The following DGKI variants were observed in gnomAD, a reference collection of about 807,000 sequenced individuals.
The protein encoded by DGKI is diacylglycerol kinase iota, also known as DAG kinase iota.
Under a neutral mutation model 147.5 loss-of-function variants are expected in DGKI, and 55 were observed. The ratio of observed to expected loss-of-function variants is 0.37; its 90% confidence interval spans 0.30 to 0.47. The LOEUF (loss-of-function observed/expected upper bound fraction) is 0.47, where lower values mean the gene tolerates loss of function less well. Among genes scored for constraint, DGKI ranks in the 20% least tolerant of loss-of-function variants. The probability of loss-of-function intolerance (pLI) is 1.00; values close to 1 mark genes in which losing one functional copy is unlikely to be tolerated. For missense variants in DGKI, 1,007 were observed against 1,323.8 expected (o/e 0.76, Z 3.71); for synonymous variants, 469 against 477.1 (o/e 0.98, Z 0.22).
intron 21 of DGKI, among the ~76,000 whole-genome samples, chr7:137,512,928 G>A (rs946682062): frequency 6.6e-6 from 1 of 152,040 alleles, no homozygotes; most frequent in Non-Finnish European, 1.5e-5. Context: ...CATAGAGTAG[G>A]CTCATCTATA....
At chr7:137,748,696 A>G (rs756001237) in intron 1 of DGKI, among the ~76,000 whole-genome samples, 1 of 152,184 alleles carries the variant, frequency 6.6e-6, no homozygotes, top group Non-Finnish European at 1.5e-5. Context: ...AAAGATATAT[A>G]CCCTTCATAT....
At position 137,739,512 on chromosome 7, in the gene DGKI, C is replaced by T. The variant is rs747150651; in HGVS notation, c.402-49510G>A. Among the ~76,000 whole-genome samples, 85 of 152,158 alleles carry T rather than the reference C, an allele frequency of 5.6e-4. 6 individuals are homozygous for T. The highest frequency in any genetic ancestry group is 2.1e-4 in the South Asian group (1 of 4,820). Reference sequence around the variant, plus strand: ...TAACGACTAGACCTCGAGATCCTAGCGGCTTCCTATGGGACCTCATGCAGG... The same window carrying T: ...TAACGACTAGACCTCGAGATCCTAGTGGCTTCCTATGGGACCTCATGCAGG... On this transcript the variant is annotated intron_variant, in intron 1 of 32. Coordinates refer to ENST00000614521, the MANE Select transcript of DGKI (RefSeq NM_001321708.2).
rs186647747 is a variant in DGKI at position 137,496,056 on chromosome 7, A to T, written c.2249-8367T>A. Among the ~76,000 whole-genome samples, 1,157 of 152,216 alleles carry T rather than the reference A, an allele frequency of 7.6e-3. 11 individuals carry two copies. The highest frequency in any genetic ancestry group is 0.027 in the African/African-American group (1,102 of 41,546). On this transcript the variant is annotated intron_variant, in intron 21 of 32. Coordinates refer to ENST00000614521, the MANE Select transcript of DGKI (RefSeq NM_001321708.2). ...GACAATAAGATTCTATACATAAAGA[A>T]CCCTAGAGTCTCTGCCCAAAATCTC...
chr7:137,836,239 A>G (rs1382461549), intron 1 of DGKI, among the ~76,000 whole-genome samples: 1 of 152,164 alleles, frequency 6.6e-6, no homozygotes, highest in Non-Finnish European at 1.5e-5. Context: ...TTTGAAGTAG[A>G]GGTTTATTTT....
intron 1 of DGKI, among the ~76,000 whole-genome samples, chr7:137,715,644 A>G (rs1460546654): frequency 6.6e-6 from 1 of 152,240 alleles, no homozygotes; most frequent in African/African-American, 2.4e-5. Context: ...ATAAGCAAGT[A>G]TGAGCACACA....
intron 5 of DGKI, among the ~76,000 whole-genome samples, chr7:137,650,517 C>T (rs922322984): frequency 1.3e-5 from 2 of 152,110 alleles, no homozygotes; most frequent in African/African-American, 4.8e-5. Flanking sequence ...TAAACCCCAA[C>T]GCAATGGTAA....
chr7:137,459,288 C>A (rs934968128), intron 27 of DGKI, among the ~76,000 whole-genome samples: 1 of 151,768 alleles, frequency 6.6e-6, no homozygotes, highest in Non-Finnish European at 1.5e-5. Flanking sequence ...CCAACAGAGC[C>A]GGGTCAGTTG....
intron 32 of DGKI, among the ~76,000 whole-genome samples, chr7:137,393,289 G>A (rs1250656717): frequency 1.3e-5 from 2 of 151,976 alleles, no homozygotes; most frequent in Non-Finnish European, 2.9e-5. Flanking sequence ...CATGAACATT[G>A]AGTCTTTTAT....
At chr7:137,792,579 G>C (rs1308737576) in intron 1 of DGKI, among the ~76,000 whole-genome samples, 5 of 152,186 alleles carry the variant, frequency 3.3e-5, no homozygotes, top group Admixed American at 6.5e-5. Context: ...TAGGCAACTA[G>C]TATGGTTTGG....
chr7:137,431,743 A>G (rs1813080176), intron 28 of DGKI, among the ~76,000 whole-genome samples: 1 of 152,208 alleles, frequency 6.6e-6, no homozygotes, highest in Non-Finnish European at 1.5e-5. Flanking sequence ...TCCAGAGCAG[A>G]AGAGGCCTTA....
At chr7:137,656,435 A>C in intron 4 of DGKI, 31 bp downstream of exon 4, 1 of 1,612,250 alleles carries the variant, frequency 6.2e-7, no homozygotes, top group Non-Finnish European at 8.5e-7. Flanking sequence ...CTTGCAATGT[A>C]ACAAAACTGC....
At chr7:137,405,145 G>A (rs1407295429) in intron 30 of DGKI, among the ~76,000 whole-genome samples, 3 of 152,070 alleles carry the variant, frequency 2.0e-5, no homozygotes, top group African/African-American at 7.2e-5. Flanking sequence ...TCATGTCCCT[G>A]GGGCAACTCA....
At chr7:137,543,836 A>G (rs1433737570) in intron 20 of DGKI, among the ~76,000 whole-genome samples, 1 of 152,206 alleles carries the variant, frequency 6.6e-6, no homozygotes, top group Non-Finnish European at 1.5e-5. Flanking sequence ...GGCTATCCGC[A>G]CTGCCATAAC....
At chr7:137,758,775 AC>A (rs1795764513) in intron 1 of DGKI, among the ~76,000 whole-genome samples, 1 of 152,024 alleles carries the variant, frequency 6.6e-6, no homozygotes, top group African/African-American at 2.4e-5. Context: ...TCCTTCCCCA[AC>A]AGTGCTGGTG....
intron 10 of DGKI, among the ~76,000 whole-genome samples, chr7:137,600,362 G>C (rs1819947442): frequency 6.6e-6 from 1 of 152,184 alleles, no homozygotes; most frequent in Admixed American, 6.5e-5. Flanking sequence ...GATAGCCATA[G>C]GTTGAATGTC....
rs760576244 is a variant in DGKI at position 137,656,457 on chromosome 7, C to A, written c.681+9G>T. 2 of 1,613,828 alleles carry A rather than the reference C, an allele frequency of 1.2e-6. No individual in the cohort carries two copies. Among genetic ancestry groups the A allele is most frequent in the Non-Finnish European group, 8.5e-7 (1 of 1,179,818 alleles). Reference sequence around the variant, plus strand: ...TGTAACAAAACTGCAGCAGGGGGCGCGCTCTTACCTTTTCTAGCTGCTCAA... The same window carrying A: ...TGTAACAAAACTGCAGCAGGGGGCGAGCTCTTACCTTTTCTAGCTGCTCAA... On this transcript the variant is annotated intron_variant, in intron 4 of 32. Coordinates refer to ENST00000614521, the MANE Select transcript of DGKI (RefSeq NM_001321708.2).
intron 6 of DGKI, among the ~76,000 whole-genome samples, chr7:137,635,832 G>T (rs997372548): frequency 6.6e-6 from 1 of 152,200 alleles, no homozygotes; most frequent in African/African-American, 2.4e-5. Context: ...AGTAACAGTG[G>T]CTATGCCTAC....
intron 27 of DGKI, among the ~76,000 whole-genome samples, chr7:137,455,553 TCA>T (rs1305132400): frequency 3.5e-5 from 5 of 144,254 alleles, no homozygotes; most frequent in Non-Finnish European, 7.4e-5. Flanking sequence ...GACCAGCATC[TCA>T]CAGAGTATTG....
chr7:137,442,917 C>G (rs1813566300), intron 28 of DGKI, among the ~76,000 whole-genome samples: 1 of 152,238 alleles, frequency 6.6e-6, no homozygotes, highest in South Asian at 2.1e-4. Context: ...ATATTAGGCA[C>G]AACGATAAGC....
Sources: gnomAD v4.1 joint callset for allele counts (sites outside exome capture counted in the v4.1 genomes callset) on GRCh38, gnomAD v4.1.1 for gene constraint, MANE v1.5 for transcripts, NCBI Gene and HGNC (gene_info 2026-07-23, HGNC 2026-07-21) for gene names.